ZNF337: variants seen among roughly 807,000 people sequenced by gnomAD.
ZNF337 encodes zinc finger protein 337.
Under a neutral mutation model 12.1 loss-of-function variants are expected in ZNF337, and 8 were observed. The observed-to-expected ratio is 0.66, with a 90% CI of 0.39 to 1.19. The LOEUF (loss-of-function observed/expected upper bound fraction) is 1.19, where lower values mean the gene tolerates loss of function less well. ZNF337 is among the 50% of genes most tolerant of loss of function. ZNF337 has a pLI of 0.01. For synonymous variants in ZNF337, 336 were observed against 320.0 expected (o/e 1.05, Z -0.53); for missense variants, 882 against 896.6 (o/e 0.98, Z 0.21).
At chr20:25,689,265 C>A (rs2122452830) in intron 1 of ZNF337, among the ~76,000 whole-genome samples, 1 of 152,258 alleles carries the variant, frequency 6.6e-6, no homozygotes, top group South Asian at 2.1e-4. Context: ...GACCGTGCCA[C>A]TGCACTCCAG....
chr20:25,686,421 T>A lies in ZNF337; in HGVS notation c.-4A>T. The A allele has an allele frequency of 6.2e-7, 1 of 1,614,090 alleles. No individual in the cohort carries two copies. The highest frequency in any genetic ancestry group is 8.5e-7 in the Non-Finnish European group (1 of 1,179,974). ...TCCTGGCTCCCTGAGGTCCCATGAC[T>A]GTCTTCCTGCTCTCCACGGAGAAGG... On this transcript the variant is annotated 5_prime_UTR_variant, in exon 2 of 5. Coordinates refer to ENST00000252979, the MANE Select transcript of ZNF337 (RefSeq NM_015655.4).
chr20:25,696,184 G>C (rs1327420243), intron 1 of ZNF337, among the ~76,000 whole-genome samples: 1 of 151,300 alleles, frequency 6.6e-6, no homozygotes, highest in East Asian at 2.0e-4. Context: ...TCCCAAGGCG[G>C]GGTGCTCCCA....
intron 1 of ZNF337, among the ~76,000 whole-genome samples, chr20:25,690,928 TAAC>T (rs1010439978): frequency 6.6e-6 from 1 of 152,072 alleles, no homozygotes; most frequent in Admixed American, 6.6e-5. Context: ...GCCTAATTTC[TAAC>T]AACAACAACA....
chr20:25,684,948 G>A (rs907807153), intron 4 of ZNF337, among the ~76,000 whole-genome samples: 1 of 151,794 alleles, frequency 6.6e-6, no homozygotes, highest in African/African-American at 2.4e-5. Context: ...GACACAGGGA[G>A]GGGAACATCA....
chr20:25,691,714 G>C (rs1266216740), intron 1 of ZNF337, among the ~76,000 whole-genome samples: 2 of 152,142 alleles, frequency 1.3e-5, no homozygotes, highest in East Asian at 3.9e-4. Flanking sequence ...AAATGTTACA[G>C]ACTCTCACTG....
Position 25,676,177 on chromosome 20 carries a change from A to G in ZNF337, c.1111T>C (p.Ser371Pro). The G allele has an allele frequency of 6.2e-7, 1 of 1,613,906 alleles. No homozygotes were observed. Among genetic ancestry groups the G allele is most frequent in the Non-Finnish European group, 8.5e-7 (1 of 1,179,984 alleles). ...CTGCACGCAAAGGGCTTCTCCCCTG[A>G]GTGTGTCCTCTGGTGTGTGATAAGG... ...SHLITHQRTH[S>P]GEKPFACRQC... The change falls in exon 5 of 5, where the codon TCA becomes CCA. Residue 371 changes from serine to proline, a missense_variant. Coordinates refer to ENST00000252979, the MANE Select transcript of ZNF337 (RefSeq NM_015655.4).
chr20:25,676,516 G>A lies in ZNF337; in HGVS notation c.772C>T (p.His258Tyr), dbSNP rs777481668. ...KANLLRHQRT[H>Y]SGEKPFLCKV... ...CACAGAAAAGGCTTCTCTCCTGAGT[G>A]TGTCCTCTGGTGTCTGAGGAGGTTG... The change falls in exon 5 of 5, where the codon CAC becomes TAC. Residue 258 changes from histidine to tyrosine, a missense_variant. By Grantham distance (83) the His-to-Tyr change is moderately conservative (BLOSUM62 2). Transcript: ENST00000252979. 4 of 1,614,158 alleles carry A rather than the reference G, an allele frequency of 2.5e-6. No individual in the cohort carries two copies. In the Admixed American group the frequency reaches 5.0e-5, roughly 20 times the overall value.
chr20:25,675,985 TACAA>T lies in ZNF337; in HGVS notation c.1299_1302del (p.Cys434GlufsTer14), dbSNP rs745750502. The T allele has an allele frequency of 5.0e-6, 8 of 1,613,532 alleles. No homozygotes were observed. In the East Asian group the frequency reaches 1.8e-4, roughly 36 times the overall value. ...TGAATAAATCCTTGCCCACATTCTC[TACAA>T]ACAAAAGGTTTCTCCCCTGAGTGTG... On this transcript the variant is annotated frameshift_variant, in exon 5 of 5. Transcript: ENST00000252979. LOFTEE classifies it low-confidence loss of function (END_TRUNC).
chr20:25,683,522 A>G (rs1423797661), intron 4 of ZNF337, among the ~76,000 whole-genome samples: 1 of 152,144 alleles, frequency 6.6e-6, no homozygotes, highest in Non-Finnish European at 1.5e-5. Flanking sequence ...AAGAAAAAAA[A>G]AAACCCCATC....
rs2065639698 is a variant in ZNF337, at chr20:25,673,525, T to C, written c.*1507A>G. Among the ~76,000 whole-genome samples the C allele has an allele frequency of 6.6e-6, 1 of 152,190 alleles. No individual in the cohort carries two copies. Reference sequence around the variant, plus strand: ...GGCTGGGAGCATGGCAGAGGCAATCTTGGGCATCCATGGAGATGTTCCGGT... The same window carrying C: ...GGCTGGGAGCATGGCAGAGGCAATCCTGGGCATCCATGGAGATGTTCCGGT... On this transcript the variant is annotated 3_prime_UTR_variant, in exon 5 of 5. Coordinates refer to ENST00000252979, the MANE Select transcript of ZNF337 (RefSeq NM_015655.4).
intron 1 of ZNF337, among the ~76,000 whole-genome samples, chr20:25,696,501 C>T (rs974819499): frequency 5.3e-5 from 8 of 152,176 alleles, no homozygotes; most frequent in African/African-American, 1.9e-4. Context: ...CTGTTCACCG[C>T]CCGAGCCGCC....
Position 25,676,762 on chromosome 20 carries a change from T to C in ZNF337, c.526A>G (p.Arg176Gly), listed in dbSNP as rs375871973. ...DKVLKGIENS[R>G]WGAFKCAERG... ...TCTGCACACTTGAATGCTCCCCATC[T>C]TGAATTTTCTATTCCTTTCAATACT... The change falls in exon 5 of 5, where the codon AGA (arginine) becomes GGA (glycine). Residue 176 changes from arginine (R) to glycine (G), a missense_variant. Coordinates refer to ENST00000252979, the MANE Select transcript of ZNF337 (RefSeq NM_015655.4). 3.7e-5 allele frequency: 59 copies of C among 1,614,138 alleles called. No individual in the cohort carries two copies. Among genetic ancestry groups the C allele is most frequent in the Non-Finnish European group, 4.9e-5 (58 of 1,180,048 alleles).
At chr20:25,696,631 G>A (rs2065933683) in intron 1 of ZNF337, 128 bp downstream of exon 1, 1 of 627,404 alleles carries the variant, frequency 1.6e-6, no homozygotes, top group Non-Finnish European at 2.0e-6. Context: ...CCAGAACGCG[G>A]AGACGCCGGG....
rs79511081 is a variant in ZNF337, at chr20:25,685,798, G to T, written c.155-136C>A. 677 of 1,144,158 alleles carry T rather than the reference G, an allele frequency of 5.9e-4. 3 individuals carry two copies. The East Asian group carries it at 0.012, about 20-fold the overall frequency. 70.9% of individuals were successfully genotyped at this position (1,144,158 alleles called of 1,614,324 possible). On this transcript the variant is annotated intron_variant, in intron 3 of 4. Transcript: ENST00000252979. ...AGGAGGACCCTGTCTACCATGCTCA[G>T]AGTACAAACCCCCAGGGGGAGCCCC...
In ZNF337 at chr20:25,675,471, C is replaced by T. The variant is rs777319513; in HGVS notation, c.1817G>A (p.Gly606Glu). Reference sequence around the variant, plus strand: ...ATTTGACTTCCAGATAAATCCTTGCCCACATTCACTACAGATGAAAGGCTT... The same window carrying T: ...ATTTGACTTCCAGATAAATCCTTGCTCACATTCACTACAGATGAAAGGCTT... ...GEKPFICSEC[G>E]QGFIWKSNLV... Residue 606 changes from glycine (G) to glutamate (E), a missense_variant, in exon 5 of 5, where the codon GGG becomes GAG. Physicochemically the swap from Gly to Glu is moderately conservative, Grantham distance 98. Coordinates refer to ENST00000252979, the MANE Select transcript of ZNF337 (RefSeq NM_015655.4). The T allele has an allele frequency of 1.9e-6, 3 of 1,614,134 alleles. No homozygotes were observed. In the East Asian group the frequency reaches 6.7e-5, roughly 36 times the overall value.
In ZNF337 at chr20:25,674,725, G is replaced by C. The variant is rs955276126; in HGVS notation, c.*307C>G. The C allele has an allele frequency of 1.6e-5, 6 of 371,396 alleles. No individual in the cohort carries two copies. In the Admixed American group the frequency reaches 2.5e-4, roughly 16 times the overall value. 23.0% of individuals were successfully genotyped at this position (371,396 alleles called of 1,614,324 possible). A position where few individuals can be genotyped will look rare whatever the true frequency, so the allele number is the denominator to read the frequency against. On this transcript the variant is annotated 3_prime_UTR_variant, in exon 5 of 5. Transcript: ENST00000252979. ...GCTCTGCAGTCACTGGCTAAGAGCA[G>C]TCCTTAGAAAGCACAGCCTGGCACA... is the stretch of plus-strand genomic sequence containing the variant.
At chr20:25,690,084 G>A (rs1234690029) in intron 1 of ZNF337, among the ~76,000 whole-genome samples, 2 of 151,942 alleles carry the variant, frequency 1.3e-5, no homozygotes, top group African/African-American at 4.8e-5. Flanking sequence ...CCAGGAGTTC[G>A]GGACCAGTTT....
At chr20:25,696,022 C>A (rs2065922181) in intron 1 of ZNF337, among the ~76,000 whole-genome samples, 1 of 151,752 alleles carries the variant, frequency 6.6e-6, no homozygotes, top group Non-Finnish European at 1.5e-5. Context: ...TAGCAAGGCC[C>A]CAGGGAAGAG....
chr20:25,684,963 C>T (rs2065810748), intron 4 of ZNF337, among the ~76,000 whole-genome samples: 1 of 145,092 alleles, frequency 6.9e-6, no homozygotes, highest in Middle Eastern at 3.5e-3. Context: ...ACATCACACA[C>T]TGGGGCATGT....
Sources: gnomAD v4.1 joint callset for allele counts (sites outside exome capture counted in the v4.1 genomes callset) on GRCh38, gnomAD v4.1.1 for gene constraint, MANE v1.5 for transcripts, NCBI Gene and HGNC (gene_info 2026-07-23, HGNC 2026-07-21) for gene names.